The following JPH3 variants were observed in gnomAD, a reference collection of about 807,000 sequenced individuals.
The protein encoded by JPH3 is junctophilin-3.
A neutral mutation model predicts 59.6 loss-of-function variants in JPH3; 11 were observed. The observed-to-expected ratio is 0.18, with a 90% CI of 0.12 to 0.31. JPH3 has a LOEUF of 0.31. JPH3 is among the 10% of genes least tolerant of loss of function. The pLI is 1.00. For missense variants in JPH3, 1,202 were observed against 1,105.7 expected (o/e 1.09, Z -1.24); for synonymous variants, 673 against 483.6 (o/e 1.39, Z -5.14).
chr16:87,656,697 C>T (rs555176695), intron 2 of JPH3, among the ~76,000 whole-genome samples: 2 of 152,188 alleles, frequency 1.3e-5, no homozygotes, highest in African/African-American at 2.4e-5. Context: ...CGAGGAGGAA[C>T]GGGGGCCCCT....
At chr16:87,668,392 C>T (rs2032929878) in intron 2 of JPH3, among the ~76,000 whole-genome samples, 1 of 152,202 alleles carries the variant, frequency 6.6e-6, no homozygotes, top group Non-Finnish European at 1.5e-5. Context: ...ACGCCCTTTC[C>T]AGATCCTGTT....
chr16:87,626,585 C>T (rs1455576143), intron 1 of JPH3, among the ~76,000 whole-genome samples: 1 of 152,256 alleles, frequency 6.6e-6, no homozygotes, highest in African/African-American at 2.4e-5. Flanking sequence ...GAGCCCGGTG[C>T]TCCAAGCCAC....
chr16:87,665,736 C>G (rs1469915594), intron 2 of JPH3, among the ~76,000 whole-genome samples: 1 of 152,228 alleles, frequency 6.6e-6, no homozygotes, highest in East Asian at 1.9e-4. Flanking sequence ...CTCCCGGCTG[C>G]CCCGAGTCTG....
chr16:87,642,246 AG>A (rs1378602955), intron 1 of JPH3, among the ~76,000 whole-genome samples: 194 of 74,042 alleles, frequency 2.6e-3, no homozygotes, highest in African/African-American at 6.9e-3. Context: ...GGCTAGGGAA[AG>A]GGGGGGGGCA....
chr16:87,690,514 C>G lies in JPH3; in HGVS notation c.2154C>G (p.Leu718=). Residue 718 remains leucine (L), a synonymous_variant, in exon 4 of 5, where the codon CTC becomes CTG. Coordinates refer to ENST00000284262, the MANE Select transcript of JPH3 (RefSeq NM_020655.4). ...LESDEENGDE[L]KSSTGSAPIL... ...CCGACGAGGAGAATGGGGATGAGCT[C>G]AAGTCCAGTACGGTGAGTGGGCGGC... 1 of 1,479,242 alleles carries G rather than the reference C, an allele frequency of 6.8e-7. No homozygotes were observed. The highest frequency in any genetic ancestry group is 1.4e-5 in the South Asian group (1 of 69,590). The allele number at this position is 1,479,242 out of a possible 1,614,324, so 91.6% of individuals were successfully genotyped here.
chr16:87,616,501 C>T (rs2030976996), intron 1 of JPH3, among the ~76,000 whole-genome samples: 4 of 151,710 alleles, frequency 2.6e-5, no homozygotes, highest in South Asian at 2.1e-4. Flanking sequence ...CCGCCCACCT[C>T]GGCCTTCCAA....
At chr16:87,649,223 C>A (rs2150849284) in intron 2 of JPH3, among the ~76,000 whole-genome samples, 1 of 152,312 alleles carries the variant, frequency 6.6e-6, no homozygotes, top group African/African-American at 2.4e-5. Context: ...GTCAGCCTCA[C>A]CCCAGTGGGA....
rs185928522 is a variant in JPH3 at position 87,696,931 on chromosome 16, C to T, written c.*271C>T. ...CCAGCACGCAGCCCCTCCAGCTCCACGTGGAGACAGAAGGGATCCCGGCAC... is the reference window on the plus strand; with the variant it reads ...CCAGCACGCAGCCCCTCCAGCTCCATGTGGAGACAGAAGGGATCCCGGCAC... On this transcript the variant is annotated 3_prime_UTR_variant, in exon 5 of 5. Coordinates refer to ENST00000284262, the MANE Select transcript of JPH3 (RefSeq NM_020655.4). The T allele has an allele frequency of 6.5e-5, 29 of 446,800 alleles. No individual in the cohort carries two copies. Among genetic ancestry groups the T allele is most frequent in the Admixed American group, 5.8e-4 (17 of 29,150 alleles). The allele number at this position is 446,800 out of a possible 1,614,324, so 27.7% of individuals were successfully genotyped here. A position where few individuals can be genotyped will look rare whatever the true frequency, so the allele number is the denominator to read the frequency against.
At chr16:87,641,798 C>T (rs183589299) in intron 1 of JPH3, among the ~76,000 whole-genome samples, 18 of 152,390 alleles carry the variant, frequency 1.2e-4, no homozygotes, top group Admixed American at 2.6e-4. Context: ...CTGGCTGGGC[C>T]ATATGCCACA....
chr16:87,635,358 G>A (rs757296146), intron 1 of JPH3, among the ~76,000 whole-genome samples: 1 of 152,208 alleles, frequency 6.6e-6, no homozygotes, highest in Non-Finnish European at 1.5e-5. Flanking sequence ...CAGCTGACGG[G>A]TGGGGCTTCA....
At chr16:87,641,848 C>T (rs1251162372) in intron 1 of JPH3, among the ~76,000 whole-genome samples, 1 of 152,264 alleles carries the variant, frequency 6.6e-6, no homozygotes, top group Non-Finnish European at 1.5e-5. Context: ...CCTCTGGGGG[C>T]TCGTGATGTG....
intron 1 of JPH3, among the ~76,000 whole-genome samples, chr16:87,628,508 A>C (rs1418993205): frequency 6.6e-6 from 1 of 152,214 alleles, no homozygotes; most frequent in Non-Finnish European, 1.5e-5. Flanking sequence ...CGGTGACAGT[A>C]AAGAATATTC....
At chr16:87,691,708 G>T (rs1296156159) in intron 4 of JPH3, among the ~76,000 whole-genome samples, 1 of 152,150 alleles carries the variant, frequency 6.6e-6, no homozygotes, top group Non-Finnish European at 1.5e-5. Flanking sequence ...GCGGACGTCT[G>T]TCTGTCCTGT....
At chr16:87,615,859 G>C (rs1419939096) in intron 1 of JPH3, among the ~76,000 whole-genome samples, 1 of 152,214 alleles carries the variant, frequency 6.6e-6, no homozygotes, top group Non-Finnish European at 1.5e-5. Context: ...GGTCAGCCCC[G>C]GGCACAGCAC....
intron 2 of JPH3, among the ~76,000 whole-genome samples, chr16:87,680,200 G>A (rs1029243982): frequency 2.6e-5 from 4 of 152,268 alleles, no homozygotes; most frequent in Non-Finnish European, 5.9e-5. Context: ...CTGGCGGAGG[G>A]AGGCAGCAGC....
At chr16:87,607,920 C>T (rs927085729) in intron 1 of JPH3, among the ~76,000 whole-genome samples, 37 of 152,204 alleles carry the variant, frequency 2.4e-4, no homozygotes, top group Non-Finnish European at 1.0e-4. Context: ...TGGTGAAAGG[C>T]TCCGTAAGGT....
In JPH3 at chr16:87,684,166, C is replaced by G. The variant is rs201763624; in HGVS notation, c.1185C>G (p.Ala395=). 6.2e-7 allele frequency: 1 copy of G among 1,613,628 alleles called. No individual in the cohort carries two copies. The highest frequency in any genetic ancestry group is 8.5e-7 in the Non-Finnish European group (1 of 1,180,008). ...GGACCTCCCACTCTCGGGCAAAGGC[C>G]GAGGCAGCCCTCACAGCAGCTCAGA... The part of the protein sequence containing the change: ...ASRTSHSRAK[A]EAALTAAQKA... The change falls in exon 3 of 5, where the codon GCC becomes GCG. Residue 395 remains alanine, a synonymous_variant. Coordinates refer to ENST00000284262, the MANE Select transcript of JPH3 (RefSeq NM_020655.4).
chr16:87,642,917 G>A (rs1056980465), intron 1 of JPH3, among the ~76,000 whole-genome samples: 3 of 152,168 alleles, frequency 2.0e-5, no homozygotes, highest in South Asian at 4.2e-4. Flanking sequence ...AATGTACCAC[G>A]TTAGCTACTT....
intron 1 of JPH3, among the ~76,000 whole-genome samples, chr16:87,641,250 T>C (rs2031941198): frequency 6.6e-6 from 1 of 152,138 alleles, no homozygotes; most frequent in African/African-American, 2.4e-5. Context: ...TGGCATCCTG[T>C]AGGAGAAGGT....
Sources: allele counts gnomAD v4.1 joint callset (sites outside exome capture counted in the v4.1 genomes callset), GRCh38; gene constraint gnomAD v4.1.1; transcripts MANE v1.5; gene names NCBI Gene and HGNC (gene_info 2026-07-23, HGNC 2026-07-21).